Variants in SENP6 observed in about 807,000 individuals in gnomAD.
The protein encoded by SENP6 is SUMO specific peptidase 6, also known as sentrin-specific protease 6.
Under a neutral mutation model 134.5 loss-of-function variants are expected in SENP6, and 41 were observed. The ratio of observed to expected loss-of-function variants is 0.30; its 90% CI spans 0.24 to 0.40. The LOEUF (loss-of-function observed/expected upper bound fraction) is 0.40. Among genes scored for constraint, SENP6 ranks in the 10% least tolerant of loss-of-function variants. The pLI is 1.00. For synonymous variants in SENP6, 395 were observed against 429.8 expected (o/e 0.92, Z 1.00); for missense variants, 1,248 against 1,312.5 (o/e 0.95, Z 0.76).
chr6:75,703,747 G>A (rs1271676487), intron 19 of SENP6, among the ~76,000 whole-genome samples: 1 of 152,068 alleles, frequency 6.6e-6, no homozygotes, highest in East Asian at 1.9e-4. Flanking sequence ...GGGTGACAGA[G>A]TGAAACTCCA....
Position 75,669,890 on chromosome 6 carries a change from G to A in SENP6, c.1225-663G>A, listed in dbSNP as rs907057499. On this transcript the variant is annotated intron_variant, in intron 10 of 23. Transcript: ENST00000447266. The stretch of plus-strand genomic sequence containing the variant: ...GTACTCTTACTCTGCATATTTTAGA[G>A]TTTAGGGAACCAAAACTTACGTAAG... Among the ~76,000 whole-genome samples, 97 of 151,976 alleles carry A rather than the reference G, an allele frequency of 6.4e-4. 1 individual carries two copies. Among genetic ancestry groups the A allele is most frequent in the African/African-American group, 2.2e-3 (92 of 41,358 alleles).
intron 6 of SENP6, among the ~76,000 whole-genome samples, chr6:75,644,549 A>G (rs1285954523): frequency 1.3e-5 from 2 of 151,866 alleles, no homozygotes; most frequent in Non-Finnish European, 2.9e-5. Flanking sequence ...CAATGGTGCA[A>G]CCTTGGCTCA....
At chr6:75,696,052 G>A in intron 17 of SENP6, 129 bp downstream of exon 17, 1 of 775,452 alleles carries the variant, frequency 1.3e-6, no homozygotes, top group Non-Finnish European at 2.0e-6. Context: ...TCTCCAGCCA[G>A]GAAGAGAACA....
At chr6:75,635,539 T>G (rs1325697588) in intron 5 of SENP6, among the ~76,000 whole-genome samples, 1 of 152,176 alleles carries the variant, frequency 6.6e-6, no homozygotes, top group Non-Finnish European at 1.5e-5. Context: ...CCTTGCTATA[T>G]TTTTCTGTTT....
intron 1 of SENP6, among the ~76,000 whole-genome samples, chr6:75,616,890 G>C (rs1165449554): frequency 6.6e-6 from 1 of 151,844 alleles, no homozygotes; most frequent in African/African-American, 2.4e-5. Context: ...TTTTGAGATT[G>C]TCTTGCTGTG....
chr6:75,667,927 G>A (rs1226487664), intron 10 of SENP6, among the ~76,000 whole-genome samples: 1 of 151,966 alleles, frequency 6.6e-6, no homozygotes, highest in Non-Finnish European at 1.5e-5. Context: ...ACCAAAATAA[G>A]GAAATATGTG....
rs140995625 is a variant in SENP6 at position 75,670,300 on chromosome 6, C to T, written c.1225-253C>T. ...CTGTTTGAATCCAGGCAGTCTGATT[C>T]CCAGAGTACTATTCCTGAATGCCAT... On this transcript the variant is annotated intron_variant, in intron 10 of 23. Transcript: ENST00000447266. Among the ~76,000 whole-genome samples, 8 of 152,200 alleles carry T rather than the reference C, an allele frequency of 5.3e-5. No individual in the cohort carries two copies. In the East Asian group the frequency reaches 5.8e-4, roughly 11 times the overall value.
intron 22 of SENP6, 35 bp from the exon 23 acceptor site, chr6:75,713,640 A>G (rs887606849): frequency 2.5e-6 from 4 of 1,589,152 alleles, no homozygotes; most frequent in African/African-American, 2.7e-5. Flanking sequence ...ATATTTATAT[A>G]TGTGTGTATT....
At chr6:75,663,549 A>T in intron 9 of SENP6, 31 bp downstream of exon 9, 3 of 1,512,850 alleles carry the variant, frequency 2.0e-6, no homozygotes, top group South Asian at 2.4e-5. Flanking sequence ...AATATTGCTT[A>T]TATCAATCCA....
chr6:75,693,332 A>G (rs1470401695), intron 16 of SENP6, among the ~76,000 whole-genome samples: 2 of 147,096 alleles, frequency 1.4e-5, no homozygotes, highest in Non-Finnish European at 1.5e-5. Flanking sequence ...TTGAACCTGG[A>G]GGTGGAGATT....
At chr6:75,713,870 G>A (rs754369750) in intron 23 of SENP6, 45 bp downstream of exon 23, 1 of 1,376,418 alleles carries the variant, frequency 7.3e-7, no homozygotes, top group Admixed American at 2.3e-5. Flanking sequence ...TAATAAAATA[G>A]TGCATTTGAC....
At chr6:75,640,212 A>G (rs1027329833) in intron 5 of SENP6, among the ~76,000 whole-genome samples, 1 of 152,166 alleles carries the variant, frequency 6.6e-6, no homozygotes, top group Non-Finnish European at 1.5e-5. Flanking sequence ...AGAGCAAAAA[A>G]CCCATGTGCT....
At chr6:75,614,765 A>G (rs901551233) in intron 1 of SENP6, among the ~76,000 whole-genome samples, 28 of 152,294 alleles carry the variant, frequency 1.8e-4, no homozygotes, top group African/African-American at 6.5e-4. Flanking sequence ...TTCACTATGT[A>G]CTTGAATAGA....
chr6:75,635,553 T>C (rs750779021), intron 5 of SENP6, among the ~76,000 whole-genome samples: 7 of 152,168 alleles, frequency 4.6e-5, no homozygotes, highest in Non-Finnish European at 1.0e-4. Flanking sequence ...TCTGTTTACA[T>C]AGATGGGCTA....
chr6:75,633,829 T>G (rs868557393), intron 4 of SENP6, 103 bp downstream of exon 4: 6 of 1,001,378 alleles, frequency 6.0e-6, no homozygotes, highest in Middle Eastern at 5.1e-4. Flanking sequence ...TTCTTCTGAA[T>G]TTGTCTATAG....
At chr6:75,622,814 T>C (rs776673199) in intron 2 of SENP6, 4 of 1,283,156 alleles carry the variant, frequency 3.1e-6, no homozygotes, top group Middle Eastern at 4.2e-4. Context: ...CCTTCACCGA[T>C]GAGATGTTGA....
chr6:75,637,473 A>G (rs1290495021), intron 5 of SENP6, among the ~76,000 whole-genome samples: 1 of 152,206 alleles, frequency 6.6e-6, no homozygotes, highest in East Asian at 1.9e-4. Context: ...TATTTAAAAG[A>G]TAGATTGTTT....
At chr6:75,622,993 A>C (rs1239695092) in intron 2 of SENP6, 1 of 271,048 alleles carries the variant, frequency 3.7e-6, no homozygotes, top group Non-Finnish European at 7.0e-6. Context: ...TTAAATCTGA[A>C]ATTAAGCTGC....
At chr6:75,655,115 G>C (rs1464602341) in intron 7 of SENP6, 1 of 152,166 alleles carries the variant, frequency 6.6e-6, no homozygotes, top group Admixed American at 6.5e-5. Context: ...GTATACCCTT[G>C]AACCAAGATC....
Sources: gnomAD v4.1 joint callset for allele counts (sites outside exome capture counted in the v4.1 genomes callset) on GRCh38, gnomAD v4.1.1 for gene constraint, MANE v1.5 for transcripts, NCBI Gene and HGNC (gene_info 2026-07-23, HGNC 2026-07-21) for gene names.